The following KCNMB2 variants were observed in gnomAD, a reference collection of about 807,000 sequenced individuals.
KCNMB2 encodes calcium-activated potassium channel subunit beta-2.
Under a neutral mutation model 24.5 loss-of-function variants are expected in KCNMB2, and 9 were observed. That is an observed-to-expected ratio of 0.37 (90% confidence interval 0.22 to 0.64). KCNMB2 has a LOEUF of 0.64. Among genes scored for constraint, KCNMB2 ranks in the 30% least tolerant of loss-of-function variants. The pLI is 0.63. For missense variants in KCNMB2, 226 were observed against 284.3 expected (o/e 0.79, Z 1.47); for synonymous variants, 109 against 104.4 (o/e 1.04, Z -0.27).
At chr3:178,659,084 C>T (rs1026131521) in intron 1 of KCNMB2, among the ~76,000 whole-genome samples, 1 of 152,200 alleles carries the variant, frequency 6.6e-6, no homozygotes, top group Non-Finnish European at 1.5e-5. Context: ...AAGGAGCTTT[C>T]GCAAAGCAAT....
At chr3:178,732,967 G>A (rs1228126954) in intron 1 of KCNMB2, among the ~76,000 whole-genome samples, 1 of 152,100 alleles carries the variant, frequency 6.6e-6, no homozygotes, top group Non-Finnish European at 1.5e-5. Context: ...GCAGTGATGG[G>A]GGATAAACAG....
chr3:178,605,611 C>G (rs1432477390), intron 1 of KCNMB2, among the ~76,000 whole-genome samples: 2 of 152,028 alleles, frequency 1.3e-5, no homozygotes, highest in Non-Finnish European at 2.9e-5. Context: ...TATGGAATAG[C>G]TAAGTATCAT....
At chr3:178,604,813 A>G (rs1718216388) in intron 1 of KCNMB2, among the ~76,000 whole-genome samples, 1 of 152,198 alleles carries the variant, frequency 6.6e-6, no homozygotes, top group African/African-American at 2.4e-5. Flanking sequence ...GACACAAAGT[A>G]AATCATTTAA....
intron 1 of KCNMB2, among the ~76,000 whole-genome samples, chr3:178,622,161 G>A (rs932160307): frequency 3.9e-5 from 6 of 152,234 alleles, no homozygotes; most frequent in African/African-American, 1.4e-4. Context: ...GTAATAAGTT[G>A]TTTAAAACAT....
chr3:178,591,906 A>AT (rs543909607), intron 1 of KCNMB2, among the ~76,000 whole-genome samples: 17 of 150,892 alleles, frequency 1.1e-4, no homozygotes, highest in East Asian at 5.8e-4. Context: ...CTCTGCCTTT[A>AT]TTTTTTTTTA....
chr3:178,546,005 C>T (rs1715760798), intron 1 of KCNMB2, among the ~76,000 whole-genome samples: 1 of 152,180 alleles, frequency 6.6e-6, no homozygotes, highest in Non-Finnish European at 1.5e-5. Flanking sequence ...GTGTAGATAA[C>T]TCAAGGTAAC....
At chr3:178,751,253 T>C (rs1037515853) in intron 1 of KCNMB2, among the ~76,000 whole-genome samples, 31 of 152,096 alleles carry the variant, frequency 2.0e-4, no homozygotes, top group African/African-American at 7.0e-4. Flanking sequence ...CAGAGACAAA[T>C]AGATAATAAT....
chr3:178,760,890 CT>C (rs1184553207), intron 1 of KCNMB2, among the ~76,000 whole-genome samples: 2 of 151,988 alleles, frequency 1.3e-5, no homozygotes, highest in Non-Finnish European at 2.9e-5. Flanking sequence ...TTAGGGTTTA[CT>C]TTTTTACTGC....
intron 1 of KCNMB2, among the ~76,000 whole-genome samples, chr3:178,551,079 A>G (rs1715936774): frequency 6.6e-6 from 1 of 152,202 alleles, no homozygotes; most frequent in African/African-American, 2.4e-5. Flanking sequence ...GGACTGAGCA[A>G]GTGGTGAGGA....
chr3:178,702,758 A>C (rs1453980609), intron 1 of KCNMB2, among the ~76,000 whole-genome samples: 1 of 151,970 alleles, frequency 6.6e-6, no homozygotes, highest in East Asian at 1.9e-4. Flanking sequence ...CATCACTGTC[A>C]AATCTTTGTT....
chr3:178,584,618 AG>A (rs1214428982), intron 1 of KCNMB2, among the ~76,000 whole-genome samples: 6 of 152,182 alleles, frequency 3.9e-5, no homozygotes, highest in African/African-American at 1.4e-4. Context: ...TAGTGACCCA[AG>A]TAAATTTATA....
intron 1 of KCNMB2, among the ~76,000 whole-genome samples, chr3:178,715,006 A>T (rs1442252386): frequency 6.6e-6 from 1 of 152,228 alleles, no homozygotes; most frequent in Admixed American, 6.5e-5. Context: ...AAAAGAAAAA[A>T]ATATCTGACC....
At chr3:178,824,879 C>T (rs1165841881) in intron 2 of KCNMB2, among the ~76,000 whole-genome samples, 1 of 152,170 alleles carries the variant, frequency 6.6e-6, no homozygotes, top group Admixed American at 6.5e-5. Context: ...CTTTCTTACC[C>T]TACATTGCTG....
chr3:178,589,474 TTTG>T (rs1390610037), intron 1 of KCNMB2, among the ~76,000 whole-genome samples: 6 of 152,060 alleles, frequency 3.9e-5, no homozygotes, highest in Non-Finnish European at 8.8e-5. Context: ...TTGTGTTTTT[TTTG>T]TTGTTGTTTG....
chr3:178,802,891 A>G (rs1713826270), intron 1 of KCNMB2, among the ~76,000 whole-genome samples: 1 of 152,208 alleles, frequency 6.6e-6, no homozygotes, highest in Non-Finnish European at 1.5e-5. Flanking sequence ...AAAAAGATCA[A>G]TAGTCTAAAT....
At chr3:178,759,906 C>A (rs184634185) in intron 1 of KCNMB2, among the ~76,000 whole-genome samples, 58 of 1,402 alleles carry the variant, frequency 0.041, no homozygotes, top group Middle Eastern at 0.12. Context: ...GAGGATATAT[C>A]TATATATATA....
chr3:178,603,162 G>A (rs974345307), intron 1 of KCNMB2, among the ~76,000 whole-genome samples: 1 of 152,140 alleles, frequency 6.6e-6, no homozygotes, highest in Non-Finnish European at 1.5e-5. Context: ...AAATGAGGAA[G>A]AGATGGGACA....
At chr3:178,744,013 G>A (rs945807893) in intron 1 of KCNMB2, among the ~76,000 whole-genome samples, 1 of 152,180 alleles carries the variant, frequency 6.6e-6, no homozygotes, top group Admixed American at 6.5e-5. Context: ...CCCTCAAGAA[G>A]GTCAGTATTC....
chr3:178,539,320 G>A (rs895398790), intron 1 of KCNMB2, among the ~76,000 whole-genome samples: 3 of 152,052 alleles, frequency 2.0e-5, no homozygotes, highest in Admixed American at 6.6e-5. Flanking sequence ...GCATATGTGT[G>A]TATGAAAAAA....
Sources: allele counts gnomAD v4.1 joint callset (sites outside exome capture counted in the v4.1 genomes callset), GRCh38; gene constraint gnomAD v4.1.1; transcripts MANE v1.5; gene names NCBI Gene and HGNC (gene_info 2026-07-23, HGNC 2026-07-21).